Variants in POLR2J observed in about 807,000 individuals in gnomAD.
The protein encoded by POLR2J is RNA polymerase II subunit J.
A neutral mutation model predicts 13.4 loss-of-function variants in POLR2J; 12 were observed. The ratio of observed to expected loss-of-function variants is 0.90; its 90% CI spans 0.57 to 1.45. The LOEUF (loss-of-function observed/expected upper bound fraction) is 1.45, where lower values mean the gene tolerates loss of function less well. Among genes scored for constraint, POLR2J ranks in the 40% most tolerant of loss-of-function variants. The pLI is 0.00. For synonymous variants in POLR2J, 31 were observed against 53.6 expected (o/e 0.58, Z 1.84); for missense variants, 58 against 132.0 (o/e 0.44, Z 2.75).
At chr7:102,474,221 T>C in intron 3 of POLR2J, 140 bp downstream of exon 3, 4 of 1,566,476 alleles carry the variant, frequency 2.6e-6, no homozygotes, top group Non-Finnish European at 2.6e-6. Context: ...TCCTGGAGCC[T>C]GTGGTGGAAG....
chr7:102,474,395 A>G lies in POLR2J; in HGVS notation c.284T>C (p.Ile95Thr). Residue 95 changes from isoleucine to threonine, a missense_variant, in exon 3 of 4, where the codon ATC becomes ACC. Physicochemically the swap from Ile to Thr is moderately conservative, Grantham distance 89. Coordinates refer to ENST00000292614, the MANE Select transcript of POLR2J (RefSeq NM_006234.6). ...EAFTNAITDL[I>T]SELSLLEERF... Reference sequence around the variant, plus strand: ...CTCCTCCAGCAGGGACAGCTCACTGATGAGGTCGGTGATGGCGTTGGTAAA... The same window carrying G: ...CTCCTCCAGCAGGGACAGCTCACTGGTGAGGTCGGTGATGGCGTTGGTAAA... 6.2e-7 allele frequency: 1 copy of G among 1,611,214 alleles called. No homozygotes were observed. Among genetic ancestry groups the G allele is most frequent in the Non-Finnish European group, 8.5e-7 (1 of 1,179,428 alleles).
At chr7:102,473,758 T>A in intron 3 of POLR2J, 74 bp from the exon 4 acceptor site, 1 of 1,588,608 alleles carries the variant, frequency 6.3e-7, no homozygotes, top group Admixed American at 1.8e-5. Flanking sequence ...ATGCCCAGCA[T>A]CCCCCCCGCC....
Position 102,478,372 on chromosome 7 carries a change from AGAGT to A in POLR2J, c.53+432_53+435del, listed in dbSNP as rs1243436670. Among the ~76,000 whole-genome samples, 4 of 123,604 alleles carry A rather than the reference AGAGT, an allele frequency of 3.2e-5. No individual in the cohort carries two copies. The East Asian group carries it at 9.3e-4, about 29-fold the overall frequency. 81.1% of individuals were successfully genotyped at this position (123,604 alleles called of 152,430 possible). A position where few individuals can be genotyped will look rare whatever the true frequency, so the allele number is the denominator to read the frequency against. ...GATCAAGCCACTCGCCCACAGATAC[AGAGT>A]GAGCCCAAGCTCTCTCCCCTGGACT... On this transcript the variant is annotated intron_variant, in intron 1 of 3. Transcript: ENST00000292614.
chr7:102,473,239 G>A lies in POLR2J; in HGVS notation c.*410C>T, dbSNP rs1798283187. 2.8e-6 allele frequency: 2 copies of A among 707,902 alleles called. No individual in the cohort carries two copies. The highest frequency in any genetic ancestry group is 4.5e-6 in the Non-Finnish European group (2 of 440,840). The allele number at this position is 707,902 out of a possible 1,614,324, so 43.9% of individuals were successfully genotyped here. On this transcript the variant is annotated 3_prime_UTR_variant, in exon 4 of 4. Transcript: ENST00000292614. The stretch of plus-strand genomic sequence containing the variant: ...CTTTGACTGACAGGCAGGCCCAGGA[G>A]TTGAGGCTTCTAGAGCAGAGACTCT...
Position 102,474,412 on chromosome 7 carries a change from G to GT in POLR2J, c.266dup (p.Asn89LysfsTer9), listed in dbSNP as rs1798355050. ...GCTCACTGATGAGGTCGGTGATGGCGTTGGTAAAGGCTTCCTGGGGGCTGT... is the reference window on the plus strand; with the variant it reads ...GCTCACTGATGAGGTCGGTGATGGCGTTTGGTAAAGGCTTCCTGGGGGCTGT... On this transcript the variant is annotated frameshift_variant, in exon 3 of 4. Transcript: ENST00000292614. LOFTEE classifies it high-confidence loss of function. 1 of 1,610,738 alleles carries GT rather than the reference G, an allele frequency of 6.2e-7. No individual in the cohort carries two copies. Among genetic ancestry groups the GT allele is most frequent in the African/African-American group, 1.3e-5 (1 of 74,522 alleles).
intron 3 of POLR2J, 56 bp downstream of exon 3, chr7:102,474,305 G>A (rs1798348128): frequency 1.2e-6 from 2 of 1,611,382 alleles, no homozygotes; most frequent in South Asian, 2.2e-5. Context: ...CCCAGGCCTG[G>A]GCACACGGGC....
chr7:102,473,416 A>AT lies in POLR2J; in HGVS notation c.*232dup. On this transcript the variant is annotated 3_prime_UTR_variant, in exon 4 of 4. Transcript: ENST00000292614. ...CTGCCTGCATCAAGCCTGACAATCCATTTGCTTGCGAAGTCACCGCTGCTC... is the reference window on the plus strand; with the variant it reads ...CTGCCTGCATCAAGCCTGACAATCCATTTTGCTTGCGAAGTCACCGCTGCTC... 1.7e-6 allele frequency: 1 copy of AT among 587,204 alleles called. No individual in the cohort carries two copies. The highest frequency in any genetic ancestry group is 2.8e-6 in the Non-Finnish European group (1 of 362,172). The allele number at this position is 587,204 out of a possible 1,614,324, so 36.4% of individuals were successfully genotyped here.
At chr7:102,474,159 T>G (rs1798339405) in intron 3 of POLR2J, 1 of 1,534,632 alleles carries the variant, frequency 6.5e-7, no homozygotes, top group Admixed American at 2.0e-5. Flanking sequence ...AGAAGTCCCA[T>G]GGGGCAGACG....
Position 102,473,185 on chromosome 7 carries a change from T to C in POLR2J, c.*464A>G. The C allele has an allele frequency of 9.5e-7, 1 of 1,051,614 alleles. No homozygotes were observed. Among genetic ancestry groups the C allele is most frequent in the South Asian group, 1.6e-5 (1 of 60,644 alleles). The allele number at this position is 1,051,614 out of a possible 1,614,324, so 65.1% of individuals were successfully genotyped here. On this transcript the variant is annotated 3_prime_UTR_variant, in exon 4 of 4. Coordinates refer to ENST00000292614, the MANE Select transcript of POLR2J (RefSeq NM_006234.6). ...GGACAAGAAGCCTGTGGAAAGGTGTTTCGAGTTATGCAGGAAGAAGTGTTC... is the reference window on the plus strand; with the variant it reads ...GGACAAGAAGCCTGTGGAAAGGTGTCTCGAGTTATGCAGGAAGAAGTGTTC...
intron 2 of POLR2J, among the ~76,000 whole-genome samples, chr7:102,474,836 A>G (rs1019928345): frequency 8.9e-5 from 13 of 145,696 alleles, no homozygotes; most frequent in Non-Finnish European, 2.0e-4. Flanking sequence ...GTGAATGTCC[A>G]GCCAGTGTTC....
intron 2 of POLR2J, among the ~76,000 whole-genome samples, chr7:102,475,841 G>A (rs1388274087): frequency 6.8e-6 from 1 of 147,826 alleles, no homozygotes; most frequent in African/African-American, 2.5e-5. Context: ...AGAATCACTT[G>A]AACCCGGGAG....
Position 102,473,642 on chromosome 7 carries a change from C to T in POLR2J, c.*7G>A. 6.2e-7 allele frequency: 1 copy of T among 1,600,136 alleles called. No homozygotes were observed. Among genetic ancestry groups the T allele is most frequent in the Non-Finnish European group, 8.5e-7 (1 of 1,175,884 alleles). Reference sequence around the variant, plus strand: ...GCTCACAGGCCGAGCAGAGCCCCCTCTGGCCCCTACTCAATTCCTTCCTGC... The same window carrying T: ...GCTCACAGGCCGAGCAGAGCCCCCTTTGGCCCCTACTCAATTCCTTCCTGC... On this transcript the variant is annotated 3_prime_UTR_variant, in exon 4 of 4. Transcript: ENST00000292614.
chr7:102,473,525 G>T lies in POLR2J; in HGVS notation c.*124C>A. ...GTACAGGACACGTCGGTGTCAGGGT[G>T]AGGGGTGGCCACAAGGCGGGCCATG... On this transcript the variant is annotated 3_prime_UTR_variant, in exon 4 of 4. Coordinates refer to ENST00000292614, the MANE Select transcript of POLR2J (RefSeq NM_006234.6). The T allele has an allele frequency of 1.4e-6, 2 of 1,448,432 alleles. No homozygotes were observed. The highest frequency in any genetic ancestry group is 1.9e-6 in the Non-Finnish European group (2 of 1,068,874). 89.7% of individuals were successfully genotyped at this position (1,448,432 alleles called of 1,614,324 possible).
At chr7:102,473,705 G>A (rs369471371) in intron 3 of POLR2J, 21 bp from the exon 4 acceptor site, 2 of 1,613,592 alleles carry the variant, frequency 1.2e-6, no homozygotes, top group African/African-American at 2.7e-5. Context: ...AGAAGGTGGT[G>A]GAGACTGAGC....
chr7:102,473,845 C>A (rs1362017327), intron 3 of POLR2J, 161 bp from the exon 4 acceptor site: 8 of 1,450,472 alleles, frequency 5.5e-6, no homozygotes, highest in African/African-American at 1.4e-5. Flanking sequence ...CCAGCTGGCC[C>A]AATCCAGCCA....
intron 3 of POLR2J, 172 bp from the exon 4 acceptor site, chr7:102,473,856 T>C: frequency 6.9e-7 from 1 of 1,446,634 alleles, no homozygotes; most frequent in Non-Finnish European, 9.0e-7. Context: ...AATCCAGCCA[T>C]TCTCTATGGC....
In POLR2J at chr7:102,473,674, T is replaced by A; in HGVS notation, c.329A>T (p.Lys110Ile). The A allele has an allele frequency of 6.2e-7, 1 of 1,613,760 alleles. No homozygotes were observed. The highest frequency in any genetic ancestry group is 8.5e-7 in the Non-Finnish European group (1 of 1,179,904). The change falls in exon 4 of 4, where the codon AAA becomes ATA. Residue 110 changes from lysine to isoleucine, a missense_variant. Physicochemically the swap from Lys to Ile is moderately radical, Grantham distance 102 (BLOSUM62 -3). Around this residue, in one of 4 missense-constraint regions of POLR2J, gnomAD observed 18 missense variants for 16.0 expected, o/e 1.12. Transcript: ENST00000292614. Reference protein sequence around the residue: ...LLEERFRVAIKDKQEGIE With the variant: ...LLEERFRVAIIDKQEGIE ...CTACTCAATTCCTTCCTGCTTGTCT[T>A]TTATGGCCACCTGGGAGAGAAGAAG...
rs778002998 is a variant in POLR2J at position 102,478,810 on chromosome 7, C to T, written c.51G>A (p.Lys17=). The stretch of plus-strand genomic sequence containing the variant: ...CCGCCGCAGCCGGCGTCACTTACTT[C>T]TTCTCGCCCTCGAAGAGCAAGAACG... The part of the protein sequence containing the change: ...FESFLLFEGE[K]KITINKDTKV... Residue 17 remains lysine (K), a splice_region_variant and synonymous_variant, in exon 1 of 4, where the codon AAG becomes AAA. Coordinates refer to ENST00000292614, the MANE Select transcript of POLR2J (RefSeq NM_006234.6). The T allele has an allele frequency of 1.4e-5, 22 of 1,610,864 alleles. No homozygotes were observed. The South Asian group carries it at 1.8e-4, about 13-fold the overall frequency.
Position 102,473,531 on chromosome 7 carries a change from T to G in POLR2J, c.*118A>C, listed in dbSNP as rs899091102. ...GACACGTCGGTGTCAGGGTGAGGGG[T>G]GGCCACAAGGCGGGCCATGGCTGGG... On this transcript the variant is annotated 3_prime_UTR_variant, in exon 4 of 4. Transcript: ENST00000292614. 4 of 1,479,858 alleles carry G rather than the reference T, an allele frequency of 2.7e-6. No individual in the cohort carries two copies. In the African/African-American group the frequency reaches 4.2e-5, roughly 15 times the overall value. 91.7% of individuals were successfully genotyped at this position (1,479,858 alleles called of 1,614,324 possible). A position where few individuals can be genotyped will look rare whatever the true frequency, so the allele number is the denominator to read the frequency against.
Sources: gnomAD v4.1 joint callset for allele counts (sites outside exome capture counted in the v4.1 genomes callset) on GRCh38, gnomAD v4.1.1 for gene constraint, gnomAD v4.1.1 regional missense constraint, MANE v1.5 for transcripts, NCBI Gene and HGNC (gene_info 2026-07-23, HGNC 2026-07-21) for gene names.